GLYR1: variants seen among roughly 807,000 people sequenced by gnomAD.
The protein encoded by GLYR1 is glyoxylate reductase 1 homolog, also known as cytokine-like nuclear factor N-PAC.
Under a neutral mutation model 72.7 loss-of-function variants are expected in GLYR1, and 21 were observed. The observed-to-expected ratio is 0.29, with a 90% CI of 0.20 to 0.42. GLYR1 has a LOEUF of 0.42. Ranked by LOEUF, GLYR1 falls within the 10% of genes least tolerant of loss-of-function variation. GLYR1 has a pLI of 1.00. For missense variants in GLYR1, 594 were observed against 712.1 expected (o/e 0.83, Z 1.89); for synonymous variants, 392 against 270.2 (o/e 1.45, Z -4.42).
At chr16:4,805,342 C>A (rs767028488) in intron 15 of GLYR1, 32 bp from the exon 16 acceptor site, 2 of 1,586,218 alleles carry the variant, frequency 1.3e-6, no homozygotes, top group East Asian at 4.5e-5. Flanking sequence ...CAGTCTCTGG[C>A]CCCAGAGCTG....
intron 1 of GLYR1, 97 bp from the exon 2 acceptor site, chr16:4,846,307 G>A (rs1567843660): frequency 2.2e-6 from 3 of 1,369,862 alleles, no homozygotes; most frequent in Non-Finnish European, 1.0e-6. Flanking sequence ...AATCTCTGCT[G>A]GCATCCTCAA....
intron 1 of GLYR1, 60 bp downstream of exon 1, chr16:4,847,168 C>T: frequency 1.3e-6 from 2 of 1,513,714 alleles, no homozygotes; most frequent in South Asian, 1.2e-5. Flanking sequence ...GGCAGCGAAC[C>T]CCGCGCCCAG....
chr16:4,826,369 G>A (rs540304354), intron 5 of GLYR1, among the ~76,000 whole-genome samples: 1 of 152,274 alleles, frequency 6.6e-6, no homozygotes, highest in South Asian at 2.1e-4. Context: ...GCCTTCCAAA[G>A]TGCTGGGATT....
At chr16:4,827,889 G>C (rs925818813) in intron 5 of GLYR1, among the ~76,000 whole-genome samples, 2 of 151,808 alleles carry the variant, frequency 1.3e-5, no homozygotes, top group African/African-American at 2.4e-5. Context: ...GACAGCACGA[G>C]ACTCCGTCTC....
At chr16:4,807,039 C>T (rs1250178354) in intron 15 of GLYR1, among the ~76,000 whole-genome samples, 1 of 151,414 alleles carries the variant, frequency 6.6e-6, no homozygotes, top group Non-Finnish European at 1.5e-5. Flanking sequence ...ATCTCCTGAC[C>T]TCGTGATCCA....
At chr16:4,821,679 C>T (rs764679549) in intron 7 of GLYR1, 82 bp from the exon 8 acceptor site, 3 of 1,311,844 alleles carry the variant, frequency 2.3e-6, no homozygotes, top group Non-Finnish European at 3.3e-6. Context: ...AAGGTTAGAC[C>T]CAAAGTGGGA....
At chr16:4,826,690 T>A (rs2084400279) in intron 5 of GLYR1, among the ~76,000 whole-genome samples, 1 of 152,200 alleles carries the variant, frequency 6.6e-6, no homozygotes. Context: ...GGGCGTGTAC[T>A]CCATCTGCAC....
chr16:4,846,620 G>A lies in GLYR1; in HGVS notation c.39-410C>T, dbSNP rs2086105009. ...GAAACAAGCTACGCAGCTCGAGGGA[G>A]GCGGCGACAAAGTCTTGGTTCGGGC... On this transcript the variant is annotated intron_variant, in intron 1 of 15. Transcript: ENST00000321919. The A allele has an allele frequency of 2.7e-5, 7 of 254,614 alleles. No individual in the cohort carries two copies. The South Asian group carries it at 3.2e-4, about 11-fold the overall frequency. The allele number at this position is 254,614 out of a possible 1,614,324, so 15.8% of individuals were successfully genotyped here.
chr16:4,832,716 T>C (rs1334319667), intron 4 of GLYR1, 58 bp downstream of exon 4: 8 of 1,542,228 alleles, frequency 5.2e-6, no homozygotes, highest in African/African-American at 1.4e-5. Flanking sequence ...AATCTGTTAG[T>C]TGCTATGCAA....
chr16:4,845,076 A>G lies in GLYR1; in HGVS notation c.153T>C (p.Asp51=), dbSNP rs1187787592. The G allele has an allele frequency of 6.2e-7, 1 of 1,611,078 alleles. No homozygotes were observed. Among genetic ancestry groups the G allele is most frequent in the Non-Finnish European group, 8.5e-7 (1 of 1,177,272 alleles). The change falls in exon 3 of 16, where the codon GAT becomes GAC. Residue 51 remains aspartate (D), a splice_region_variant and synonymous_variant. Coordinates refer to ENST00000321919, the MANE Select transcript of GLYR1 (RefSeq NM_032569.4). The part of the protein sequence containing the change: ...CFFVKFFGTE[D]HAWIKVEQLK... ...GACTCCTGGTGAGTACTACTCACTG[A>G]TCTTCTGTTCCAAAAAATTTCACAA...
rs552031463 is a variant in GLYR1 at position 4,840,762 on chromosome 16, G to A, written c.155+4312C>T. Among the ~76,000 whole-genome samples the A allele has an allele frequency of 4.6e-5, 7 of 152,270 alleles. No homozygotes were observed. The East Asian group carries it at 1.4e-3, about 29-fold the overall frequency. The stretch of plus-strand genomic sequence containing the variant: ...AGGTGAAATAGCTTGCCCAAATCAG[G>A]GAGCAAGGTGGAACCGGTACCTGAA... On this transcript the variant is annotated intron_variant, in intron 3 of 15. Coordinates refer to ENST00000321919, the MANE Select transcript of GLYR1 (RefSeq NM_032569.4).
chr16:4,829,833 C>T (rs896233105), intron 5 of GLYR1, among the ~76,000 whole-genome samples: 2 of 152,086 alleles, frequency 1.3e-5, no homozygotes, highest in African/African-American at 2.4e-5. Context: ...CCACCACACT[C>T]GGGTAATTTT....
rs951208803 is a variant in GLYR1, at chr16:4,821,307, C to G, written c.806+73G>C. 1.0e-5 allele frequency: 15 copies of G among 1,492,424 alleles called. 1 individual carries two copies. In the Admixed American group the frequency reaches 1.3e-4, roughly 13 times the overall value. The allele number at this position is 1,492,424 out of a possible 1,614,324, so 92.4% of individuals were successfully genotyped here. A position where few individuals can be genotyped will look rare whatever the true frequency, so the allele number is the denominator to read the frequency against. The stretch of plus-strand genomic sequence containing the variant: ...GGCTGGGACACAACCCTTAAAGAAC[C>G]CCCCTGGGGTCACCTTCTCCCCACC... On this transcript the variant is annotated intron_variant, in intron 9 of 15. Transcript: ENST00000321919.
chr16:4,811,053 TGAG>T, intron 15 of GLYR1, 114 bp downstream of exon 15: 2 of 1,295,908 alleles, frequency 1.5e-6, no homozygotes, highest in Non-Finnish European at 2.1e-6. Flanking sequence ...TGCATTGAGC[TGAG>T]ATCGCACCAG....
intron 10 of GLYR1, among the ~76,000 whole-genome samples, chr16:4,815,888 TCTC>T (rs2083606573): frequency 6.6e-6 from 1 of 151,778 alleles, no homozygotes; most frequent in African/African-American, 2.4e-5. Flanking sequence ...TTCACGCCAT[TCTC>T]CTGCCTCAGC....
chr16:4,825,097 C>T (rs989326859), intron 5 of GLYR1, among the ~76,000 whole-genome samples: 5 of 152,200 alleles, frequency 3.3e-5, no homozygotes, highest in African/African-American at 1.2e-4. Flanking sequence ...CTCCCTGCTT[C>T]CACTCACAGT....
rs1468943716 is a variant in GLYR1, at chr16:4,823,878, C to A, written c.567G>T (p.Val189=). The A allele has an allele frequency of 2.5e-6, 4 of 1,614,114 alleles. No individual in the cohort carries two copies. The Admixed American group carries it at 5.0e-5, about 20-fold the overall frequency. The change falls in exon 6 of 16, where the codon GTG becomes GTT. Residue 189 remains valine, a synonymous_variant. Coordinates refer to ENST00000321919, the MANE Select transcript of GLYR1 (RefSeq NM_032569.4). ...CCATCGGTCCGGCCATCATCCCCTTCACGGTACTAGACTCCGGGATGGTGA... is the reference window on the plus strand; with the variant it reads ...CCATCGGTCCGGCCATCATCCCCTTAACGGTACTAGACTCCGGGATGGTGA... ...KDLTIPESST[V]KGMMAGPMAA...
chr16:4,817,359 T>C (rs1011223671), intron 10 of GLYR1, among the ~76,000 whole-genome samples: 1 of 151,972 alleles, frequency 6.6e-6, no homozygotes, highest in African/African-American at 2.4e-5. Flanking sequence ...GACCTCATGA[T>C]CCGCCCGCCT....
At chr16:4,839,268 A>AT (rs966144772) in intron 3 of GLYR1, 10 of 152,326 alleles carry the variant, frequency 6.6e-5, no homozygotes, top group African/African-American at 2.2e-4. Context: ...TTATTTTTAA[A>AT]TTTTTTGTAG....
Sources: allele counts gnomAD v4.1 joint callset (sites outside exome capture counted in the v4.1 genomes callset), GRCh38; gene constraint gnomAD v4.1.1; transcripts MANE v1.5; gene names NCBI Gene and HGNC (gene_info 2026-07-23, HGNC 2026-07-21).